IL16: variants seen among roughly 807,000 people sequenced by gnomAD.
IL16 encodes the protein pro-interleukin-16.
Under a neutral mutation model 110.1 loss-of-function variants are expected in IL16, and 67 were observed. That is an observed-to-expected ratio of 0.61 (90% CI 0.50 to 0.75). IL16 has a LOEUF of 0.75. IL16 is among the 30% of genes least tolerant of loss of function. The pLI is 0.00. For synonymous variants in IL16, 689 were observed against 662.9 expected, an observed-to-expected ratio of 1.04 and a Z score of -0.61; for missense variants, 1,545 against 1,655.0, an observed-to-expected ratio of 0.93 and a Z score of 1.15.
At chr15:81,241,111 T>G (rs1897323084) in intron 2 of IL16, among the ~76,000 whole-genome samples, 2 of 152,170 alleles carry the variant, frequency 1.3e-5, no homozygotes, top group South Asian at 4.1e-4. Flanking sequence ...TTTCCTCTTA[T>G]GAACATGGGG....
chr15:81,250,119 T>C (rs550352268), intron 2 of IL16, among the ~76,000 whole-genome samples: 20 of 152,180 alleles, frequency 1.3e-4, no homozygotes, highest in Non-Finnish European at 2.8e-4. Context: ...TAATTGGAAG[T>C]CTTCGCAGGT....
chr15:81,291,138 A>G (rs992071790), intron 11 of IL16, among the ~76,000 whole-genome samples: 1 of 152,194 alleles, frequency 6.6e-6, no homozygotes, highest in Non-Finnish European at 1.5e-5. Context: ...GGCATTAATC[A>G]CGTCTACCAT....
At chr15:81,214,155 C>G (rs547569009) in intron 1 of IL16, among the ~76,000 whole-genome samples, 2 of 152,188 alleles carry the variant, frequency 1.3e-5, no homozygotes, top group East Asian at 3.9e-4. Flanking sequence ...ATTTGCTTGC[C>G]TGAGAAGGAT....
intron 2 of IL16, among the ~76,000 whole-genome samples, chr15:81,250,483 C>G (rs1897730887): frequency 6.6e-6 from 1 of 152,156 alleles, no homozygotes; most frequent in Non-Finnish European, 1.5e-5. Flanking sequence ...GACCTAGGAC[C>G]TTGTTTCAAT....
intron 2 of IL16, among the ~76,000 whole-genome samples, chr15:81,248,719 C>CTTTTTTTTTTTTT (rs61480285): frequency 8.9e-6 from 1 of 112,244 alleles, no homozygotes; most frequent in Non-Finnish European, 1.8e-5. Flanking sequence ...TTCTTTCTTT[C>CTTTTTTTTTTTTT]TTTTTTTTTT....
intron 12 of IL16, 127 bp from the exon 13 acceptor site, chr15:81,296,801 C>T (rs1473986906): frequency 1.3e-6 from 1 of 796,800 alleles, no homozygotes; most frequent in African/African-American, 1.7e-5. Flanking sequence ...CTTTACATGG[C>T]TGCTGATGAA....
intron 10 of IL16, among the ~76,000 whole-genome samples, chr15:81,288,000 T>G (rs1899526740): frequency 6.6e-6 from 1 of 152,232 alleles, no homozygotes; most frequent in Non-Finnish European, 1.5e-5. Context: ...GCAAATGCTG[T>G]AGCCCTGGGC....
At chr15:81,288,205 G>A (rs1372789790) in intron 10 of IL16, among the ~76,000 whole-genome samples, 1 of 152,148 alleles carries the variant, frequency 6.6e-6, no homozygotes. Flanking sequence ...CAGGCATAGG[G>A]CAGAGAGAAG....
At chr15:81,298,326 T>C (rs942704885) in intron 13 of IL16, among the ~76,000 whole-genome samples, 2 of 152,172 alleles carry the variant, frequency 1.3e-5, no homozygotes, top group African/African-American at 4.8e-5. Context: ...TTCAACTGGG[T>C]TGCGTTCCAG....
At chr15:81,245,900 T>C (rs573709742) in intron 2 of IL16, among the ~76,000 whole-genome samples, 4 of 152,148 alleles carry the variant, frequency 2.6e-5, no homozygotes, top group South Asian at 2.1e-4. Flanking sequence ...TTCTTATGTT[T>C]GTTTAACATC....
chr15:81,244,552 T>C (rs1277450227), intron 2 of IL16, among the ~76,000 whole-genome samples: 1 of 152,188 alleles, frequency 6.6e-6, no homozygotes, highest in Admixed American at 6.5e-5. Flanking sequence ...AAATCTACTG[T>C]CATCTGAATT....
At chr15:81,279,029 G>T (rs1899043785) in intron 7 of IL16, 139 bp downstream of exon 7, 3 of 664,258 alleles carry the variant, frequency 4.5e-6, no homozygotes, top group Non-Finnish European at 8.2e-6. Context: ...CTTGGCGCAG[G>T]GTTAAAAGAA....
At chr15:81,255,317 A>G (rs189018927) in intron 2 of IL16, among the ~76,000 whole-genome samples, 119 of 152,348 alleles carry the variant, frequency 7.8e-4, no homozygotes, top group Non-Finnish European at 1.4e-3. Flanking sequence ...CTAATGAGCC[A>G]CTTCACACCA....
chr15:81,295,307 T>G (rs1028169420), intron 12 of IL16: 5 of 1,086,878 alleles, frequency 4.6e-6, no homozygotes, highest in Non-Finnish European at 5.7e-6. Context: ...AGAGAAAAAT[T>G]TGTGTAAAAT....
At chr15:81,255,828 A>G (rs993009782) in intron 2 of IL16, among the ~76,000 whole-genome samples, 2 of 152,220 alleles carry the variant, frequency 1.3e-5, no homozygotes, top group Non-Finnish European at 2.9e-5. Flanking sequence ...AATTGGCTTT[A>G]CAGGCCAGGC....
Position 81,308,864 on chromosome 15 carries a change from C to A in IL16, c.*66C>A. The A allele has an allele frequency of 7.2e-7, 1 of 1,384,372 alleles. No homozygotes were observed. The highest frequency in any genetic ancestry group is 9.9e-7 in the Non-Finnish European group (1 of 1,010,296). The allele number at this position is 1,384,372 out of a possible 1,614,324, so 85.8% of individuals were successfully genotyped here. A position where few individuals can be genotyped will look rare whatever the true frequency, so the allele number is the denominator to read the frequency against. On this transcript the variant is annotated 3_prime_UTR_variant, in exon 19 of 19. Transcript: ENST00000683961. ...CACACAGCTCCCATAACCGCTGATT[C>A]TCAGGGTCTCTGCTGCCGCCCCACC...
chr15:81,298,822 C>T (rs2141604432), intron 13 of IL16, among the ~76,000 whole-genome samples: 1 of 152,300 alleles, frequency 6.6e-6, no homozygotes, highest in African/African-American at 2.4e-5. Flanking sequence ...TGAGAGGGAG[C>T]GTGAAGAGCT....
chr15:81,310,431 C>G lies in IL16; in HGVS notation c.*1633C>G, dbSNP rs557468689. On this transcript the variant is annotated 3_prime_UTR_variant, in exon 19 of 19. Coordinates refer to ENST00000683961, the MANE Select transcript of IL16 (RefSeq NM_172217.5). ...ATAATGGGCTTAGAGCAGTTTCTGTCCTGCTGGTTAACTTGTTTGGCCTAT... is the reference window on the plus strand; with the variant it reads ...ATAATGGGCTTAGAGCAGTTTCTGTGCTGCTGGTTAACTTGTTTGGCCTAT... 1 of 152,290 alleles carries G rather than the reference C, an allele frequency of 6.6e-6. No homozygotes were observed. The highest frequency in any genetic ancestry group is 2.1e-4 in the South Asian group (1 of 4,828). The allele number at this position is 152,290 out of a possible 1,614,324, so 9.4% of individuals were successfully genotyped here.
intron 10 of IL16, chr15:81,290,052 C>T: frequency 2.9e-6 from 1 of 350,768 alleles, no homozygotes; most frequent in Non-Finnish European, 5.6e-6. Flanking sequence ...AACTGTGAGT[C>T]ACAGCTCAGA....
Sources: allele counts gnomAD v4.1 joint callset (sites outside exome capture counted in the v4.1 genomes callset), GRCh38; gene constraint gnomAD v4.1.1; transcripts MANE v1.5; gene names NCBI Gene and HGNC (gene_info 2026-07-23, HGNC 2026-07-21).